The following PHYKPL variants were observed in gnomAD, a reference collection of about 807,000 sequenced individuals.
PHYKPL encodes the protein 5-phosphohydroxy-L-lysine phospho-lyase.
Under a neutral mutation model 51.3 loss-of-function variants are expected in PHYKPL, and 42 were observed. The observed-to-expected ratio is 0.82, with a 90% CI of 0.64 to 1.06. The LOEUF is 1.06. PHYKPL is among the 50% of genes least tolerant of loss of function. The pLI is 0.00. For missense variants in PHYKPL, 655 were observed against 586.6 expected (o/e 1.12, Z -1.20); for synonymous variants, 264 against 236.0 (o/e 1.12, Z -1.09).
intron 3 of PHYKPL, among the ~76,000 whole-genome samples, chr5:178,227,771 G>C (rs1404899540): frequency 6.6e-6 from 1 of 152,182 alleles, no homozygotes; most frequent in Non-Finnish European, 1.5e-5. Flanking sequence ...TAATGGAGTT[G>C]ACAAGAATAA....
chr5:178,223,076 G>GT (rs1761527615), intron 6 of PHYKPL, 142 bp from the exon 7 acceptor site: 1 of 786,056 alleles, frequency 1.3e-6, no homozygotes, highest in African/African-American at 1.7e-5. Flanking sequence ...TGTTACATCT[G>GT]AAGGTTTGTG....
In PHYKPL at chr5:178,231,403, A is replaced by G. The variant is rs552429776; in HGVS notation, c.178+2T>C. 1.9e-6 allele frequency: 3 copies of G among 1,614,164 alleles called. No homozygotes were observed. The highest frequency in any genetic ancestry group is 1.1e-5 in the South Asian group (1 of 91,086). The stretch of plus-strand genomic sequence containing the variant: ...CCTGCCAGCCTGAGGTGTGATACTG[A>G]CCGTGCGCCACATTGCTGATGCAAT... On this transcript the variant is annotated splice_donor_variant, in intron 2 of 12. Transcript: ENST00000308158. LOFTEE classifies it high-confidence loss of function.
chr5:178,210,429 A>G (rs35381671), intron 12 of PHYKPL: 576 of 1,521,358 alleles, frequency 3.8e-4, no homozygotes, highest in Non-Finnish European at 5.0e-4. Context: ...CGGGGTCTTA[A>G]TAACATGAGG....
At chr5:178,232,050 C>A in intron 1 of PHYKPL, 3 of 1,189,026 alleles carry the variant, frequency 2.5e-6, no homozygotes, top group African/African-American at 3.2e-5. Flanking sequence ...GCCTGTGAAC[C>A]GACTCCCCCG....
chr5:178,213,732 A>G (rs1448699975), intron 10 of PHYKPL, among the ~76,000 whole-genome samples: 1 of 151,990 alleles, frequency 6.6e-6, no homozygotes, highest in African/African-American at 2.4e-5. Context: ...AAACCTTGTT[A>G]TTTTTATTTC....
chr5:178,207,327 G>C, downstream of PHYKPL: 1 of 1,417,808 alleles, frequency 7.1e-7, no homozygotes, highest in Non-Finnish European at 9.6e-7. Flanking sequence ...TCTCCAGGTT[G>C]GTCAGACTTT....
In PHYKPL at chr5:178,231,862, CGT is replaced by C. The variant is rs748816732; in HGVS notation, c.60-341_60-340del. 1.3e-5 allele frequency: 18 copies of C among 1,333,676 alleles called. No individual in the cohort carries two copies. The South Asian group carries it at 2.1e-4, about 16-fold the overall frequency. The allele number at this position is 1,333,676 out of a possible 1,614,324, so 82.6% of individuals were successfully genotyped here. On this transcript the variant is annotated intron_variant, in intron 1 of 12. Transcript: ENST00000308158. ...GTCCCATGGGGACTCCATAAGGCCG[CGT>C]GTCTTCGATGGGATGGGCCAGGGCA...
intron 1 of PHYKPL, 124 bp from the exon 2 acceptor site, chr5:178,231,647 G>A (rs761677824): frequency 1.2e-6 from 2 of 1,600,922 alleles, no homozygotes; most frequent in Non-Finnish European, 1.7e-6. Context: ...AGAGCTGGAA[G>A]GGCAAGGTGC....
intron 3 of PHYKPL, among the ~76,000 whole-genome samples, chr5:178,229,199 C>A (rs1410100772): frequency 1.3e-5 from 2 of 151,360 alleles, no homozygotes; most frequent in Non-Finnish European, 2.9e-5. Context: ...CTCCGCCTCC[C>A]GGTTCAAGCG....
At chr5:178,231,563 A>G in intron 1 of PHYKPL, 40 bp from the exon 2 acceptor site, 1 of 1,613,838 alleles carries the variant, frequency 6.2e-7, no homozygotes, top group Non-Finnish European at 8.5e-7. Flanking sequence ...ATGTCTGAAG[A>G]CCGAAAGGGT....
At chr5:178,208,056 A>C (rs1757165576), downstream of PHYKPL, among the ~76,000 whole-genome samples, 1 of 152,184 alleles carries the variant, frequency 6.6e-6, no homozygotes, top group Non-Finnish European at 1.5e-5. Flanking sequence ...GCCAGCTTAA[A>C]TCCAGGGTCA....
intron 12 of PHYKPL, 22 bp downstream of exon 12, chr5:178,211,868 G>GT (rs1359987775): frequency 8.3e-6 from 13 of 1,561,918 alleles, no homozygotes; most frequent in Non-Finnish European, 1.1e-5. Flanking sequence ...ATCTTCAAGA[G>GT]TAAGAAGCAA....
intron 4 of PHYKPL, 148 bp from the exon 5 acceptor site, chr5:178,224,877 C>T: frequency 3.2e-6 from 2 of 627,698 alleles, no homozygotes; most frequent in Non-Finnish European, 5.6e-6. Context: ...GGAAAGAGCA[C>T]AAGCTTTGGA....
chr5:178,215,200 T>A, intron 9 of PHYKPL, 76 bp downstream of exon 9: 1 of 1,591,274 alleles, frequency 6.3e-7, no homozygotes, highest in Non-Finnish European at 8.6e-7. Context: ...CCATCCCAGG[T>A]TGTTAGGAGG....
At chr5:178,211,723 CTAAGCATTGGAGAATT>C (rs1758495259) in intron 12 of PHYKPL, 151 bp downstream of exon 12, 1 of 600,130 alleles carries the variant, frequency 1.7e-6, no homozygotes. Context: ...CAAGTGCAAG[CTAAGCATTGGAGAATT>C]TCCAGTGTTG....
chr5:178,224,691 C>A lies in PHYKPL; in HGVS notation c.452G>T (p.Ser151Ile). The A allele has an allele frequency of 6.2e-7, 1 of 1,614,198 alleles. No individual in the cohort carries two copies. Among genetic ancestry groups the A allele is most frequent in the Non-Finnish European group, 8.5e-7 (1 of 1,180,038 alleles). ...HGHLSSLIDI[S>I]PYKFRNLDGQ... ...ATCCAGGTTGCGGAACTTGTAGGGA[C>A]TGATGTCAATCAGGGAGCTCAGGTG... The change falls in exon 5 of 13, where the codon AGT becomes ATT. Residue 151 changes from serine (S) to isoleucine (I), a missense_variant. Transcript: ENST00000308158.
intron 1 of PHYKPL, chr5:178,231,843 T>C (rs954077635): frequency 1.2e-5 from 16 of 1,348,460 alleles, no homozygotes; most frequent in Non-Finnish European, 1.5e-5. Flanking sequence ...CCCCGTCCCA[T>C]GGGGACTCCA....
At chr5:178,224,276 T>C (rs369012459) in intron 6 of PHYKPL, 172 bp downstream of exon 6, 5 of 716,232 alleles carry the variant, frequency 7.0e-6, no homozygotes, top group African/African-American at 3.6e-5. Context: ...ACGCCCATGC[T>C]AGGCCGTGCA....
chr5:178,219,138 G>GAGTA (rs1485769931), intron 8 of PHYKPL, among the ~76,000 whole-genome samples: 1 of 152,124 alleles, frequency 6.6e-6, no homozygotes, highest in East Asian at 1.9e-4. Flanking sequence ...TTATAACTTG[G>GAGTA]AGTAGGGAGA....
Sources: allele counts gnomAD v4.1 joint callset (sites outside exome capture counted in the v4.1 genomes callset), GRCh38; gene constraint gnomAD v4.1.1; transcripts MANE v1.5; gene names NCBI Gene and HGNC (gene_info 2026-07-23, HGNC 2026-07-21).